The following SLC8A1 variants were observed in gnomAD, a reference collection of about 807,000 sequenced individuals.
SLC8A1 encodes the protein solute carrier family 8 member A1.
SLC8A1 carries 18 observed loss-of-function variants against 68.3 expected under a neutral mutation model. The observed-to-expected ratio is 0.26, with a 90% CI of 0.18 to 0.39. The LOEUF (loss-of-function observed/expected upper bound fraction) is 0.39. SLC8A1 is among the 10% of genes least tolerant of loss of function. SLC8A1 has a pLI of 1.00. For missense variants in SLC8A1, 985 were observed against 1,156.7 expected (o/e 0.85, Z 2.15); for synonymous variants, 475 against 415.5 (o/e 1.14, Z -1.74).
intron 1 of SLC8A1, among the ~76,000 whole-genome samples, chr2:40,494,751 C>G (rs571620761): frequency 1.1e-4 from 16 of 145,490 alleles, no homozygotes; most frequent in Non-Finnish European, 2.1e-4. Flanking sequence ...ATATTTATAT[C>G]ATTCATTAAT....
chr2:40,379,667 ATG>A (rs1349978139), intron 2 of SLC8A1, among the ~76,000 whole-genome samples: 1 of 151,314 alleles, frequency 6.6e-6, no homozygotes, highest in African/African-American at 2.4e-5. Context: ...CCTGCAGAGA[ATG>A]TGTCTGTTTA....
intron 1 of SLC8A1, among the ~76,000 whole-genome samples, chr2:40,508,685 T>A (rs1379768483): frequency 6.6e-6 from 1 of 152,192 alleles, no homozygotes; most frequent in African/African-American, 2.4e-5. Context: ...AAGGATTCTG[T>A]TAGCAAAGAA....
intron 2 of SLC8A1, among the ~76,000 whole-genome samples, chr2:40,249,618 T>C (rs1431635116): frequency 6.7e-6 from 1 of 150,052 alleles, no homozygotes; most frequent in African/African-American, 2.5e-5. Flanking sequence ...TATTCAAGCT[T>C]TTAGGATCTT....
chr2:40,125,513 G>C (rs1044258642), intron 7 of SLC8A1, among the ~76,000 whole-genome samples: 1 of 152,156 alleles, frequency 6.6e-6, no homozygotes, highest in Non-Finnish European at 1.5e-5. Context: ...AAGAACTGCA[G>C]AGCAGCACCA....
At chr2:40,450,379 C>T (rs1702221592) in intron 1 of SLC8A1, among the ~76,000 whole-genome samples, 2 of 151,984 alleles carry the variant, frequency 1.3e-5, no homozygotes, top group Admixed American at 1.3e-4. Context: ...TGCACGCGCG[C>T]GCGCTGGTGG....
chr2:40,351,851 C>A (rs1021253087), intron 2 of SLC8A1, among the ~76,000 whole-genome samples: 2 of 152,144 alleles, frequency 1.3e-5, no homozygotes, highest in Non-Finnish European at 2.9e-5. Flanking sequence ...TCCCCATGAC[C>A]TAGACTAATA....
At chr2:40,476,776 ACCATAGGAAGTCATTC>A (rs1704319260) in intron 1 of SLC8A1, among the ~76,000 whole-genome samples, 3 of 152,180 alleles carry the variant, frequency 2.0e-5, no homozygotes, top group African/African-American at 7.2e-5. Context: ...GGCCTTGAAC[ACCATAGGAAGTCATTC>A]CAATTTTATG....
intron 2 of SLC8A1, chr2:40,213,569 T>C (rs1209720645): frequency 1.3e-5 from 2 of 152,200 alleles, no homozygotes; most frequent in African/African-American, 2.4e-5. Context: ...CTGAGGAAAC[T>C]TGGGGTACTT....
intron 2 of SLC8A1, among the ~76,000 whole-genome samples, chr2:40,306,134 C>T (rs2072541999): frequency 6.6e-6 from 1 of 152,156 alleles, no homozygotes; most frequent in Non-Finnish European, 1.5e-5. Flanking sequence ...GAAAGGCAAA[C>T]CAGTAAGCAG....
chr2:40,138,922 C>T (rs1356913566), intron 7 of SLC8A1, among the ~76,000 whole-genome samples: 1 of 152,116 alleles, frequency 6.6e-6, no homozygotes, highest in Admixed American at 6.6e-5. Flanking sequence ...TCTCTTTTGT[C>T]TCATTAATAT....
At chr2:40,267,157 T>A (rs2065456939) in intron 2 of SLC8A1, among the ~76,000 whole-genome samples, 2 of 152,074 alleles carry the variant, frequency 1.3e-5, no homozygotes, top group South Asian at 2.1e-4. Flanking sequence ...TTAACTAGAG[T>A]ATAAACAAGA....
intron 2 of SLC8A1, among the ~76,000 whole-genome samples, chr2:40,333,358 A>G (rs1238050726): frequency 6.6e-6 from 1 of 151,210 alleles, no homozygotes; most frequent in Non-Finnish European, 1.5e-5. Context: ...GAATCCCTTG[A>G]ACCCGGGAGG....
At chr2:40,367,741 C>T (rs983019273) in intron 2 of SLC8A1, among the ~76,000 whole-genome samples, 4 of 151,830 alleles carry the variant, frequency 2.6e-5, no homozygotes, top group Admixed American at 1.3e-4. Context: ...CAACATGTAG[C>T]GAGACAATAA....
chr2:40,104,358 A>C (rs1411782096), exon 8 of SLC8A1: 1 of 152,242 alleles, frequency 6.6e-6, no homozygotes, highest in Non-Finnish European at 1.5e-5. Flanking sequence ...GATTTTCCCA[A>C]CTTGAAATGT....
At chr2:40,224,751 T>A (rs559076132) in intron 2 of SLC8A1, among the ~76,000 whole-genome samples, 1 of 152,282 alleles carries the variant, frequency 6.6e-6, no homozygotes, top group East Asian at 1.9e-4. Flanking sequence ...ACAGGAATAT[T>A]GCCTCATCTT....
intron 2 of SLC8A1, among the ~76,000 whole-genome samples, chr2:40,369,208 G>T (rs1677198879): frequency 6.6e-6 from 1 of 152,080 alleles, no homozygotes; most frequent in South Asian, 2.1e-4. Context: ...AAACTAAAGA[G>T]CTTCTGCAAG....
intron 1 of SLC8A1, among the ~76,000 whole-genome samples, chr2:40,497,570 G>T (rs1033198852): frequency 2.6e-5 from 4 of 151,910 alleles, no homozygotes; most frequent in Non-Finnish European, 5.9e-5. Flanking sequence ...GGTTCATCAA[G>T]TGAAAAAGGA....
intron 2 of SLC8A1, among the ~76,000 whole-genome samples, chr2:40,382,435 C>G (rs536360673): frequency 6.6e-6 from 1 of 151,882 alleles, no homozygotes; most frequent in Non-Finnish European, 1.5e-5. Context: ...CTTTTGTTAC[C>G]GTAATTTCCA....
chr2:40,509,206 G>T, intron 1 of SLC8A1, among the ~76,000 whole-genome samples: 1 of 152,252 alleles, frequency 6.6e-6, no homozygotes, highest in East Asian at 1.9e-4. Flanking sequence ...TTCATAGGCA[G>T]ATCATGTCTG....
Sources: allele counts gnomAD v4.1 joint callset (sites outside exome capture counted in the v4.1 genomes callset), GRCh38; gene constraint gnomAD v4.1.1; transcripts MANE v1.5; gene names NCBI Gene and HGNC (gene_info 2026-07-23, HGNC 2026-07-21).